The following TMEM117 variants were observed in gnomAD, a reference collection of about 807,000 sequenced individuals.
TMEM117 encodes the protein transmembrane protein 117.
In TMEM117, 27 loss-of-function variants were observed where a neutral mutation model predicts 52.4. The observed-to-expected ratio is 0.51, with a 90% CI of 0.38 to 0.71. The LOEUF is 0.71. TMEM117 is among the 30% of genes least tolerant of loss of function. TMEM117 has a pLI of 0.00. For missense variants in TMEM117, 556 were observed against 630.5 expected (o/e 0.88, Z 1.26); for synonymous variants, 215 against 206.3 (o/e 1.04, Z -0.36).
At chr12:44,150,279 A>C (rs73290223) in intron 4 of TMEM117, among the ~76,000 whole-genome samples, 4,654 of 152,288 alleles carry the variant, frequency 0.031, 160 homozygotes, top group African/African-American at 0.083. Flanking sequence ...TTAAAGAGGA[A>C]GTACTCTTGG....
chr12:44,083,118 A>G (rs1268154380), intron 3 of TMEM117, among the ~76,000 whole-genome samples: 1 of 152,074 alleles, frequency 6.6e-6, no homozygotes, highest in Non-Finnish European at 1.5e-5. Context: ...CCAATTTTAT[A>G]TGTGCTGCTA....
intron 3 of TMEM117, among the ~76,000 whole-genome samples, chr12:43,992,253 T>C (rs577040870): frequency 5.9e-5 from 9 of 152,278 alleles, no homozygotes; most frequent in African/African-American, 2.2e-4. Flanking sequence ...ATTAGTTTAT[T>C]TTAATTTTAA....
intron 4 of TMEM117, among the ~76,000 whole-genome samples, chr12:44,208,748 T>TTTTG (rs869162290): frequency 2.2e-5 from 2 of 89,524 alleles, no homozygotes; most frequent in Admixed American, 2.4e-4. Context: ...TTTTTTTTTT[T>TTTTG]GCTTCATCTA....
intron 6 of TMEM117, among the ~76,000 whole-genome samples, chr12:44,331,651 G>T (rs769559611): frequency 1.3e-5 from 2 of 152,088 alleles, no homozygotes; most frequent in African/African-American, 2.4e-5. Flanking sequence ...TAATGATGCA[G>T]TAAAGTTCAT....
chr12:44,385,726 C>T (rs911127551), intron 7 of TMEM117, among the ~76,000 whole-genome samples: 10 of 152,108 alleles, frequency 6.6e-5, no homozygotes, highest in East Asian at 3.9e-4. Context: ...TATAAAGCTC[C>T]GACAACAGAG....
intron 3 of TMEM117, among the ~76,000 whole-genome samples, chr12:44,130,564 A>G (rs1461226512): frequency 1.3e-5 from 2 of 152,152 alleles, no homozygotes; most frequent in Admixed American, 6.5e-5. Flanking sequence ...GTTTCTGAGA[A>G]CTATCCAGGC....
At chr12:44,324,786 C>G (rs1341180718) in intron 6 of TMEM117, among the ~76,000 whole-genome samples, 1 of 152,114 alleles carries the variant, frequency 6.6e-6, no homozygotes, top group African/African-American at 2.4e-5. Context: ...TTCCCAAGAT[C>G]ATTTTAATGA....
intron 2 of TMEM117, among the ~76,000 whole-genome samples, chr12:43,849,281 T>C (rs1193308704): frequency 6.6e-6 from 1 of 152,162 alleles, no homozygotes. Flanking sequence ...CTGGATGTAT[T>C]TGGATCCCAT....
chr12:44,126,335 A>G (rs1191854134), intron 3 of TMEM117, among the ~76,000 whole-genome samples: 1 of 152,230 alleles, frequency 6.6e-6, no homozygotes, highest in Non-Finnish European at 1.5e-5. Context: ...ATAACTGAGT[A>G]TAAATGTATA....
intron 7 of TMEM117, among the ~76,000 whole-genome samples, chr12:44,377,189 C>A (rs1951953864): frequency 6.6e-6 from 1 of 152,166 alleles, no homozygotes; most frequent in Non-Finnish European, 1.5e-5. Flanking sequence ...CAAATCTTTG[C>A]TGTGGAGAGT....
At chr12:44,102,279 T>C (rs1947874738) in intron 3 of TMEM117, among the ~76,000 whole-genome samples, 1 of 152,030 alleles carries the variant, frequency 6.6e-6, no homozygotes, top group African/African-American at 2.4e-5. Context: ...GAATCGGCTA[T>C]CTAGAATAGT....
intron 2 of TMEM117, among the ~76,000 whole-genome samples, chr12:43,856,536 C>T (rs998614746): frequency 6.6e-6 from 1 of 152,202 alleles, no homozygotes; most frequent in Non-Finnish European, 1.5e-5. Context: ...CAATCCTCCT[C>T]CTCCCTCTCC....
intron 3 of TMEM117, among the ~76,000 whole-genome samples, chr12:44,059,458 A>G (rs879782887): frequency 3.3e-5 from 5 of 152,168 alleles, no homozygotes; most frequent in Non-Finnish European, 5.9e-5. Context: ...GCTGTAGCAG[A>G]TGTATTTTAG....
intron 3 of TMEM117, among the ~76,000 whole-genome samples, chr12:44,117,697 GCTT>G (rs1337813931): frequency 6.6e-6 from 1 of 152,058 alleles, no homozygotes; most frequent in Non-Finnish European, 1.5e-5. Context: ...TTACTTTAGA[GCTT>G]CACTTTTATA....
intron 5 of TMEM117, among the ~76,000 whole-genome samples, chr12:44,299,312 T>TAAA (rs1950808606): frequency 6.6e-6 from 1 of 151,990 alleles, no homozygotes; most frequent in African/African-American, 2.4e-5. Context: ...TTTGTATTTT[T>TAAA]AGTAGAGACA....
intron 4 of TMEM117, among the ~76,000 whole-genome samples, chr12:44,149,954 T>G (rs1458596387): frequency 6.6e-6 from 1 of 152,142 alleles, no homozygotes; most frequent in East Asian, 1.9e-4. Flanking sequence ...ATTGGACACA[T>G]GTATATGAGA....
Position 44,388,687 on chromosome 12 carries a change from T to A in TMEM117, c.*15T>A, listed in dbSNP as rs765369238. On this transcript the variant is annotated 3_prime_UTR_variant, in exon 8 of 8. Transcript: ENST00000266534. ...CTACGAACTAGACTCGGAGATAGAC[T>A]TGGAGATAACACAAAAAGCAACCTT... 1.2e-6 allele frequency: 2 copies of A among 1,604,108 alleles called. No homozygotes were observed. The highest frequency in any genetic ancestry group is 1.7e-6 in the Non-Finnish European group (2 of 1,175,404).
chr12:43,868,529 C>A (rs1236913672), intron 2 of TMEM117, among the ~76,000 whole-genome samples: 3 of 150,560 alleles, frequency 2.0e-5, no homozygotes, highest in African/African-American at 4.9e-5. Flanking sequence ...TCCAGCCTGG[C>A]GACAGAGTGA....
chr12:43,800,067 T>C, the TMEM117 span, among the ~76,000 whole-genome samples: 1 of 152,098 alleles, frequency 6.6e-6, no homozygotes, highest in Non-Finnish European at 1.5e-5. Flanking sequence ...TCCCATCTAG[T>C]CTTGTGCTCT....
Sources: gnomAD v4.1 joint callset for allele counts (sites outside exome capture counted in the v4.1 genomes callset) on GRCh38, gnomAD v4.1.1 for gene constraint, MANE v1.5 for transcripts, NCBI Gene and HGNC (gene_info 2026-07-23, HGNC 2026-07-21) for gene names.